The following SRP68 variants were observed in gnomAD, a reference collection of about 807,000 sequenced individuals.
The protein encoded by SRP68 is signal recognition particle 68.
A neutral mutation model predicts 82.2 loss-of-function variants in SRP68; 15 were observed. The observed-to-expected ratio is 0.18, with a 90% CI of 0.12 to 0.28. SRP68 has a LOEUF of 0.28. Ranked by LOEUF, SRP68 falls within the 10% of genes least tolerant of loss-of-function variation. The pLI is 1.00. For missense variants in SRP68, 595 were observed against 780.5 expected, an observed-to-expected ratio of 0.76 and a Z score of 2.83; for synonymous variants, 261 against 292.6, an observed-to-expected ratio of 0.89 and a Z score of 1.10.
Position 76,043,892 on chromosome 17 carries a change from G to C in SRP68, c.1461C>G (p.Asp487Glu), listed in dbSNP as rs764787527. Reference sequence around the variant, plus strand: ...CTTCATTTGCATATTTCAGGACTCTGTCATACAGGACAAGGGCTTCGCTCC... The same window carrying C: ...CTTCATTTGCATATTTCAGGACTCTCTCATACAGGACAAGGGCTTCGCTCC... ...KKWSEALVLYDRVLKYANEVN... is the reference protein window; with the variant it reads ...KKWSEALVLYERVLKYANEVN... Residue 487 changes from aspartate to glutamate, a missense_variant, in exon 13 of 16, where the codon GAC becomes GAG. By Grantham distance (45) the Asp-to-Glu change is conservative. Coordinates refer to ENST00000307877, the MANE Select transcript of SRP68 (RefSeq NM_014230.4). 6.2e-6 allele frequency: 10 copies of C among 1,612,290 alleles called. No homozygotes were observed. Among genetic ancestry groups the C allele is most frequent in the Admixed American group, 5.0e-5 (3 of 59,434 alleles).
At chr17:76,063,686 T>TCAAAA (rs112370162) in intron 4 of SRP68, among the ~76,000 whole-genome samples, 1 of 141,046 alleles carries the variant, frequency 7.1e-6, no homozygotes, top group Non-Finnish European at 1.5e-5. Flanking sequence ...AGACTCTGTC[T>TCAAAA]GAAAAAAAAA....
intron 7 of SRP68, among the ~76,000 whole-genome samples, chr17:76,059,172 G>A (rs2066732948): frequency 6.6e-6 from 1 of 152,122 alleles, no homozygotes; most frequent in South Asian, 2.1e-4. Flanking sequence ...TCACTTGAGA[G>A]CAGGAAATCA....
chr17:76,060,278 CTT>C (rs1255149255), intron 7 of SRP68, 28 bp downstream of exon 7: 1 of 1,539,012 alleles, frequency 6.5e-7, no homozygotes, highest in Non-Finnish European at 9.0e-7. Flanking sequence ...TGTCCAAAGA[CTT>C]TTCACAAAAA....
intron 8 of SRP68, among the ~76,000 whole-genome samples, chr17:76,051,292 C>T (rs2066670556): frequency 6.6e-6 from 1 of 152,178 alleles, no homozygotes; most frequent in African/African-American, 2.4e-5. Flanking sequence ...ACCTGCCAAG[C>T]CACATTATCG....
intron 11 of SRP68, 150 bp from the exon 12 acceptor site, chr17:76,045,536 C>T: frequency 1.6e-6 from 1 of 614,370 alleles, no homozygotes. Context: ...GATTGGGCAG[C>T]AGCCACACCT....
rs757301105 is a variant in SRP68 at position 76,072,401 on chromosome 17, G to A, written c.91C>T (p.Arg31Cys). 3.8e-6 allele frequency: 6 copies of A among 1,597,988 alleles called. No homozygotes were observed. In the Admixed American group the frequency reaches 6.7e-5, roughly 18 times the overall value. Reference sequence around the variant, plus strand: ...TTATTTTCTTCCCCTCCGGCACCACGTCCACCGCCGCTACCGCCGCCGCCA... The same window carrying A: ...TTATTTTCTTCCCCTCCGGCACCACATCCACCGCCGCTACCGCCGCCGCCA... Reference protein sequence around the residue: ...GSGGGGSGGGRGAGGEENKEN... With the variant: ...GSGGGGSGGGCGAGGEENKEN... Residue 31 changes from arginine (R) to cysteine (C), a missense_variant, in exon 1 of 16, where the codon CGT becomes TGT. Arg to Cys is a radical substitution (Grantham distance 180). Coordinates refer to ENST00000307877, the MANE Select transcript of SRP68 (RefSeq NM_014230.4). The surrounding 1 kb of genome is among the most constrained non-coding windows in gnomAD (Gnocchi z 4.5).
chr17:76,062,756 TATATATATAA>T (rs1386328606), intron 4 of SRP68, among the ~76,000 whole-genome samples: 5 of 68,546 alleles, frequency 7.3e-5, no homozygotes, highest in Non-Finnish European at 1.3e-4. Context: ...TATATATATA[TATATATATAA>T]AATATATATA....
chr17:76,069,632 G>A (rs565041784), intron 2 of SRP68, among the ~76,000 whole-genome samples: 8 of 151,912 alleles, frequency 5.3e-5, no homozygotes, highest in East Asian at 3.9e-4. Flanking sequence ...ACTTGAACCC[G>A]GGAGGCGGAG....
chr17:76,055,066 C>T lies in SRP68; in HGVS notation c.978+2337G>A, dbSNP rs571310267. ...CCGCCTCCCGGGTTTAAGTGATTCTCCTGCCTCAGCCTCCCGAGTAGCTGG... is the reference window on the plus strand; with the variant it reads ...CCGCCTCCCGGGTTTAAGTGATTCTTCTGCCTCAGCCTCCCGAGTAGCTGG... On this transcript the variant is annotated intron_variant, in intron 8 of 15. Transcript: ENST00000307877. 1.1e-3 allele frequency among the ~76,000 whole-genome samples: 166 copies of T among 151,668 alleles called. 1 individual carries two copies. Among genetic ancestry groups the T allele is most frequent in the Admixed American group, 0.01 (156 of 15,246 alleles).
rs751158660 is a variant in SRP68 at position 76,050,479 on chromosome 17, G to A, written c.1026C>T (p.Ser342=). The A allele has an allele frequency of 1.9e-5, 30 of 1,613,446 alleles. No homozygotes were observed. The highest frequency in any genetic ancestry group is 6.7e-5 in the East Asian group (3 of 44,826). The change falls in exon 9 of 16, where the codon AGC becomes AGT. Residue 342 remains serine, a synonymous_variant. Coordinates refer to ENST00000307877, the MANE Select transcript of SRP68 (RefSeq NM_014230.4). ...TKERLFESML[S]ECRDAIQVVR... Reference sequence around the variant, plus strand: ...CCACCTGGATGGCGTCCCGACACTCGCTGAGCATTGATTCAAACAGGCGCT... The same window carrying A: ...CCACCTGGATGGCGTCCCGACACTCACTGAGCATTGATTCAAACAGGCGCT...
At chr17:76,059,789 C>CAAAAA (rs35942880) in intron 7 of SRP68, among the ~76,000 whole-genome samples, 2 of 87,940 alleles carry the variant, frequency 2.3e-5, no homozygotes, top group African/African-American at 8.1e-5. Context: ...AAGACTGTCT[C>CAAAAA]AAAAAAAAAA....
intron 7 of SRP68, among the ~76,000 whole-genome samples, chr17:76,060,030 G>T (rs2066740024): frequency 7.0e-6 from 1 of 143,066 alleles, no homozygotes; most frequent in Non-Finnish European, 1.5e-5. Flanking sequence ...GGAGGCTGAG[G>T]CAGGAGAATG....
intron 8 of SRP68, among the ~76,000 whole-genome samples, chr17:76,052,064 C>G (rs368853820): frequency 6.6e-6 from 1 of 152,086 alleles, no homozygotes; most frequent in African/African-American, 2.4e-5. Flanking sequence ...CCCGCCACCA[C>G]GCCTGGCTAT....
intron 2 of SRP68, among the ~76,000 whole-genome samples, chr17:76,068,455 G>GAAA (rs113014100): frequency 5.2e-5 from 6 of 115,834 alleles, no homozygotes; most frequent in Non-Finnish European, 5.5e-5. Context: ...GACTGTGTCT[G>GAAA]AAAAAAAAAA....
At chr17:76,055,042 C>T (rs1313461603) in intron 8 of SRP68, among the ~76,000 whole-genome samples, 4 of 151,720 alleles carry the variant, frequency 2.6e-5, no homozygotes, top group African/African-American at 7.2e-5. Flanking sequence ...CTGCAACCTC[C>T]GCCTCCCGGG....
In SRP68 at chr17:76,072,145, C is replaced by T. The variant is rs1185188003; in HGVS notation, c.184+163G>A. ...ACACGAGGAAAGACTAGTCGAGAGA[C>T]AGACCCCCCCCGGAATTCTGAGCAC... On this transcript the variant is annotated intron_variant, in intron 1 of 15. Transcript: ENST00000307877. The surrounding 1 kb of genome is among the most constrained non-coding windows in gnomAD (Gnocchi z 4.5). 1.5e-6 allele frequency: 2 copies of T among 1,349,542 alleles called. No individual in the cohort carries two copies. Among genetic ancestry groups the T allele is most frequent in the East Asian group, 2.5e-5 (1 of 39,950 alleles). 83.6% of individuals were successfully genotyped at this position (1,349,542 alleles called of 1,614,324 possible).
intron 13 of SRP68, among the ~76,000 whole-genome samples, chr17:76,041,870 C>T (rs1051329686): frequency 1.3e-5 from 2 of 151,950 alleles, no homozygotes; most frequent in Non-Finnish European, 2.9e-5. Context: ...GTGACTCCAT[C>T]AACGACAGGA....
At chr17:76,042,432 C>T (rs1020631832) in intron 13 of SRP68, among the ~76,000 whole-genome samples, 1 of 150,132 alleles carries the variant, frequency 6.7e-6, no homozygotes, top group African/African-American at 2.4e-5. Flanking sequence ...GCCTGGCCAA[C>T]ATGGTGAAAC....
At position 76,040,997 on chromosome 17, in the gene SRP68, G is replaced by T; in HGVS notation, c.1525-19C>A. ...GCAGGTCCTGTAAGATTCAGAAAAC[G>T]TGTACTCCCGAGCCAGGGCCAGGTC... On this transcript the variant is annotated intron_variant, in intron 13 of 15. Transcript: ENST00000307877. The T allele has an allele frequency of 6.2e-7, 1 of 1,609,958 alleles. No homozygotes were observed. The highest frequency in any genetic ancestry group is 1.1e-5 in the South Asian group (1 of 90,966).
Sources: allele counts gnomAD v4.1 joint callset (sites outside exome capture counted in the v4.1 genomes callset), GRCh38; gene constraint gnomAD v4.1.1; non-coding constraint Gnocchi (gnomAD v3.1); transcripts MANE v1.5; gene names NCBI Gene and HGNC (gene_info 2026-07-23, HGNC 2026-07-21).